Variants in STK38L observed in about 807,000 individuals in gnomAD.
The protein encoded by STK38L is serine/threonine-protein kinase 38-like.
STK38L carries 28 observed loss-of-function variants against 59.7 expected under a neutral mutation model. That is an observed-to-expected ratio of 0.47 (90% CI 0.35 to 0.64). The LOEUF is 0.64. Among genes scored for constraint, STK38L ranks in the 30% least tolerant of loss-of-function variants. The probability of loss-of-function intolerance (pLI) is 0.01; values close to 1 mark genes in which losing one functional copy is unlikely to be tolerated. For missense variants in STK38L, 314 were observed against 555.8 expected (o/e 0.56, Z 4.37); for synonymous variants, 162 against 176.8 (o/e 0.92, Z 0.66).
intron 2 of STK38L, chr12:27,300,517 A>T (rs183683811): frequency 1.3e-5 from 6 of 456,040 alleles, no homozygotes; most frequent in African/African-American, 1.2e-4. Context: ...CTCCTCCCAG[A>T]ATAATGGTCC....
intron 1 of STK38L, among the ~76,000 whole-genome samples, chr12:27,249,915 C>T (rs1207847888): frequency 6.6e-6 from 1 of 152,158 alleles, no homozygotes; most frequent in African/African-American, 2.4e-5. Flanking sequence ...TTTTATTCCT[C>T]GTTTTCCTGA....
intron 1 of STK38L, among the ~76,000 whole-genome samples, chr12:27,252,200 C>T (rs937519125): frequency 1.4e-4 from 21 of 152,136 alleles, no homozygotes; most frequent in African/African-American, 5.1e-4. Flanking sequence ...AGGATGGTCT[C>T]AATCTCCTGA....
At position 27,244,824 on chromosome 12, in the gene STK38L, T is replaced by A. The variant is rs570960696; in HGVS notation, c.-12+492T>A. Among the ~76,000 whole-genome samples the A allele has an allele frequency of 5.9e-5, 9 of 152,268 alleles. No individual in the cohort carries two copies. In the South Asian group the frequency reaches 1.9e-3, roughly 32 times the overall value. ...TTGCCAAACATTTCTCAAGACAGAC[T>A]CAGGAAAGCCTCCCAGCTCCTAGAA... On this transcript the variant is annotated intron_variant, in intron 1 of 13. Coordinates refer to ENST00000389032, the MANE Select transcript of STK38L (RefSeq NM_015000.4).
At chr12:27,248,466 G>T (rs970779551) in intron 1 of STK38L, among the ~76,000 whole-genome samples, 5 of 152,150 alleles carry the variant, frequency 3.3e-5, no homozygotes, top group African/African-American at 1.2e-4. Context: ...TATTGTTTAA[G>T]AATTGGAATC....
chr12:27,278,918 A>G (rs1318761746), intron 1 of STK38L, among the ~76,000 whole-genome samples: 4 of 152,166 alleles, frequency 2.6e-5, no homozygotes, highest in Non-Finnish European at 5.9e-5. Flanking sequence ...TTTAAATTGA[A>G]CTTTCCAAGT....
chr12:27,296,975 C>T (rs1237525361), intron 1 of STK38L: 1 of 152,244 alleles, frequency 6.6e-6, no homozygotes, highest in African/African-American at 2.4e-5. Flanking sequence ...ACAAAGCTTC[C>T]CTGTTGTTAC....
intron 1 of STK38L, among the ~76,000 whole-genome samples, chr12:27,256,289 T>A (rs979767505): frequency 1.3e-5 from 2 of 152,214 alleles, no homozygotes; most frequent in African/African-American, 4.8e-5. Flanking sequence ...CATGGCCTCT[T>A]CCAGGCTCCT....
chr12:27,284,443 A>G (rs1404686576), intron 1 of STK38L, among the ~76,000 whole-genome samples: 1 of 152,234 alleles, frequency 6.6e-6, no homozygotes, highest in Non-Finnish European at 1.5e-5. Context: ...TCTGTATATC[A>G]CTTAATGGTG....
At chr12:27,311,089 G>T (rs1481332352) in intron 5 of STK38L, among the ~76,000 whole-genome samples, 1 of 152,158 alleles carries the variant, frequency 6.6e-6, no homozygotes, top group East Asian at 1.9e-4. Context: ...TTTGGAAAGG[G>T]ATCCTGTAAT....
rs1005632239 is a variant in STK38L at position 27,324,519 on chromosome 12, G to A, written c.*2064G>A. 6.6e-6 allele frequency: 1 copy of A among 152,012 alleles called. No individual in the cohort carries two copies. Among genetic ancestry groups the A allele is most frequent in the African/African-American group, 2.4e-5 (1 of 41,406 alleles). The allele number at this position is 152,012 out of a possible 1,614,324, so 9.4% of individuals were successfully genotyped here. Reference sequence around the variant, plus strand: ...TGACAGAGATTGATAAAAAGAAACTGATTTACCTAAGTTTACTTTTTAATT... The same window carrying A: ...TGACAGAGATTGATAAAAAGAAACTAATTTACCTAAGTTTACTTTTTAATT... On this transcript the variant is annotated 3_prime_UTR_variant, in exon 14 of 14. Transcript: ENST00000389032.
At chr12:27,318,852 G>A (rs1167211888) in intron 11 of STK38L, among the ~76,000 whole-genome samples, 2 of 152,090 alleles carry the variant, frequency 1.3e-5, no homozygotes, top group Admixed American at 6.5e-5. Flanking sequence ...TTAGCCGGGC[G>A]AGGTGGCGGG....
At chr12:27,258,663 A>G (rs1416463899) in intron 1 of STK38L, among the ~76,000 whole-genome samples, 1 of 152,130 alleles carries the variant, frequency 6.6e-6, no homozygotes, top group African/African-American at 2.4e-5. Context: ...AGTTTTCACA[A>G]TTTGTATTTA....
chr12:27,281,934 G>A (rs921684650), intron 1 of STK38L, among the ~76,000 whole-genome samples: 1 of 152,158 alleles, frequency 6.6e-6, no homozygotes, highest in Non-Finnish European at 1.5e-5. Context: ...TACTTGGGAG[G>A]CTGATACCGG....
chr12:27,273,557 CA>C (rs763181028), intron 1 of STK38L, among the ~76,000 whole-genome samples: 4 of 152,148 alleles, frequency 2.6e-5, no homozygotes, highest in Admixed American at 6.5e-5. Flanking sequence ...TATTACCTAC[CA>C]CATAATTAAT....
At chr12:27,263,675 T>C (rs1374856876) in intron 1 of STK38L, among the ~76,000 whole-genome samples, 1 of 152,238 alleles carries the variant, frequency 6.6e-6, no homozygotes, top group Non-Finnish European at 1.5e-5. Context: ...GAACTGAAGT[T>C]GGTCATTTCT....
intron 1 of STK38L, among the ~76,000 whole-genome samples, chr12:27,277,493 CT>C (rs996214771): frequency 2.6e-5 from 4 of 152,032 alleles, no homozygotes; most frequent in African/African-American, 7.2e-5. Flanking sequence ...GTGAAACCGC[CT>C]TAAAACCAAC....
At chr12:27,302,402 G>C (rs1201530120) in intron 3 of STK38L, 1 of 361,302 alleles carries the variant, frequency 2.8e-6, no homozygotes, top group African/African-American at 2.1e-5. Context: ...AGAGAACATT[G>C]CCAAGTGTAT....
At chr12:27,282,159 CTG>C (rs1943674080) in intron 1 of STK38L, among the ~76,000 whole-genome samples, 3 of 152,290 alleles carry the variant, frequency 2.0e-5, no homozygotes, top group South Asian at 4.1e-4. Flanking sequence ...GTTTGGAAAA[CTG>C]TTTCTACTTA....
At chr12:27,272,053 G>A (rs976536265) in intron 1 of STK38L, among the ~76,000 whole-genome samples, 10 of 152,128 alleles carry the variant, frequency 6.6e-5, no homozygotes, top group Non-Finnish European at 1.0e-4. Flanking sequence ...GATTTTAAAC[G>A]CTCTCATTGG....
Sources: allele counts gnomAD v4.1 joint callset (sites outside exome capture counted in the v4.1 genomes callset), GRCh38; gene constraint gnomAD v4.1.1; transcripts MANE v1.5; gene names NCBI Gene and HGNC (gene_info 2026-07-23, HGNC 2026-07-21).